FHIT: variants seen among roughly 807,000 people sequenced by gnomAD.
FHIT encodes bis(5'-adenosyl)-triphosphatase.
Under a neutral mutation model 17.9 loss-of-function variants are expected in FHIT, and 19 were observed. The observed-to-expected ratio is 1.06, with a 90% confidence interval of 0.74 to 1.56. The LOEUF (loss-of-function observed/expected upper bound fraction) is 1.56, where lower values mean the gene tolerates loss of function less well. Among genes scored for constraint, FHIT ranks in the 40% most tolerant of loss-of-function variants. FHIT has a pLI of 0.00. For synonymous variants in FHIT, 81 were observed against 69.7 expected, an observed-to-expected ratio of 1.16 and a Z score of -0.81; for missense variants, 248 against 189.2, an observed-to-expected ratio of 1.31 and a Z score of -1.82.
intron 8 of FHIT, among the ~76,000 whole-genome samples, chr3:59,755,345 C>T (rs1028359419): frequency 6.6e-6 from 1 of 152,170 alleles, no homozygotes; most frequent in Non-Finnish European, 1.5e-5. Flanking sequence ...GACTTGTGTC[C>T]TAGAAGATCC....
intron 5 of FHIT, among the ~76,000 whole-genome samples, chr3:60,508,769 T>C (rs934309254): frequency 6.6e-6 from 1 of 152,150 alleles, no homozygotes; most frequent in African/African-American, 2.4e-5. Flanking sequence ...CATCTTAAAG[T>C]TCAAAGATGT....
At chr3:60,149,751 A>G (rs1700379580) in intron 5 of FHIT, among the ~76,000 whole-genome samples, 1 of 151,988 alleles carries the variant, frequency 6.6e-6, no homozygotes, top group African/African-American at 2.4e-5. Context: ...AGGCCAAGCT[A>G]AGAGGCACAT....
intron 2 of FHIT, among the ~76,000 whole-genome samples, chr3:61,191,159 G>A (rs750114672): frequency 2.0e-5 from 3 of 152,062 alleles, no homozygotes; most frequent in Non-Finnish European, 4.4e-5. Flanking sequence ...AATTTTCTGT[G>A]TCAACTCAAC....
chr3:60,244,217 A>G (rs1294354948), intron 5 of FHIT, among the ~76,000 whole-genome samples: 1 of 152,100 alleles, frequency 6.6e-6, no homozygotes, highest in Non-Finnish European at 1.5e-5. Flanking sequence ...TTCAGTTATT[A>G]TACTTCATAT....
intron 5 of FHIT, among the ~76,000 whole-genome samples, chr3:60,491,855 G>T (rs2034081670): frequency 6.6e-6 from 1 of 152,034 alleles, no homozygotes; most frequent in African/African-American, 2.4e-5. Context: ...GAAACACAAT[G>T]AAATGTTCCA....
intron 4 of FHIT, among the ~76,000 whole-genome samples, chr3:60,630,110 C>G (rs2039400264): frequency 6.6e-6 from 1 of 152,160 alleles, no homozygotes; most frequent in Non-Finnish European, 1.5e-5. Context: ...TACCTGACTC[C>G]TATGTCCTAA....
intron 4 of FHIT, among the ~76,000 whole-genome samples, chr3:60,786,992 A>G (rs1182651991): frequency 7.6e-6 from 1 of 131,880 alleles, no homozygotes; most frequent in Non-Finnish European, 1.6e-5. Context: ...AAAGAGGGAA[A>G]TAAGACAAAA....
chr3:59,786,684 T>C (rs1699315688), intron 8 of FHIT, among the ~76,000 whole-genome samples: 1 of 152,226 alleles, frequency 6.6e-6, no homozygotes, highest in South Asian at 2.1e-4. Flanking sequence ...TTTCCCTCCT[T>C]TGCAATTTGC....
At position 60,953,352 on chromosome 3, in the gene FHIT, C is replaced by T. The variant is rs1575744307; in HGVS notation, c.-111+88695G>A. ...TGCTAAGAATGTCCAAGCCTTCCTCCTTCCAAGGCTCGAACTGGATTCCAA... is the reference window on the plus strand; with the variant it reads ...TGCTAAGAATGTCCAAGCCTTCCTCTTTCCAAGGCTCGAACTGGATTCCAA... On this transcript the variant is annotated intron_variant, in intron 3 of 9. Transcript: ENST00000492590. 5.3e-5 allele frequency among the ~76,000 whole-genome samples: 8 copies of T among 152,148 alleles called. No homozygotes were observed. In the South Asian group the frequency reaches 1.7e-3, roughly 32 times the overall value.
intron 5 of FHIT, among the ~76,000 whole-genome samples, chr3:60,173,918 T>TATATATATATATATATATATATA (rs375142735): frequency 1.1e-4 from 5 of 46,850 alleles, no homozygotes; most frequent in South Asian, 7.7e-4. Flanking sequence ...TATATATATG[T>TATATATATATATATATATATATA]TTTTTTTTTT....
intron 5 of FHIT, among the ~76,000 whole-genome samples, chr3:60,413,285 C>T (rs1327623402): frequency 1.3e-5 from 2 of 152,060 alleles, no homozygotes; most frequent in Non-Finnish European, 2.9e-5. Flanking sequence ...AGAAACTGTA[C>T]AACTGAGCCA....
intron 3 of FHIT, among the ~76,000 whole-genome samples, chr3:60,948,653 C>T (rs1296189333): frequency 1.3e-5 from 2 of 152,174 alleles, no homozygotes; most frequent in African/African-American, 4.8e-5. Context: ...GCAGCAGAAA[C>T]TGAATTATTA....
At chr3:60,513,671 C>A (rs543624353) in intron 5 of FHIT, among the ~76,000 whole-genome samples, 1 of 152,138 alleles carries the variant, frequency 6.6e-6, no homozygotes, top group African/African-American at 2.4e-5. Flanking sequence ...AATGAGAACA[C>A]ATGGACACAG....
At chr3:60,379,075 A>G (rs1700697081) in intron 5 of FHIT, among the ~76,000 whole-genome samples, 1 of 152,246 alleles carries the variant, frequency 6.6e-6, no homozygotes, top group Non-Finnish European at 1.5e-5. Context: ...ATTTTATCCC[A>G]GACCAGTGAA....
At chr3:59,948,535 A>AT (rs1706950156) in intron 7 of FHIT, among the ~76,000 whole-genome samples, 1 of 151,584 alleles carries the variant, frequency 6.6e-6, no homozygotes, top group African/African-American at 2.4e-5. Flanking sequence ...AAAAATAAAA[A>AT]AAAATAAATA....
chr3:60,145,257 T>C (rs866469294), intron 5 of FHIT, among the ~76,000 whole-genome samples: 21 of 152,314 alleles, frequency 1.4e-4, no homozygotes, highest in African/African-American at 4.8e-4. Flanking sequence ...GTCTAAATTT[T>C]AGGTAGTTTT....
intron 5 of FHIT, among the ~76,000 whole-genome samples, chr3:60,471,075 G>A (rs1333637952): frequency 6.6e-6 from 1 of 152,188 alleles, no homozygotes; most frequent in Non-Finnish European, 1.5e-5. Context: ...TACTATGGCT[G>A]AACTAGTATC....
At chr3:60,055,543 T>C (rs1344701486) in intron 5 of FHIT, among the ~76,000 whole-genome samples, 2 of 152,092 alleles carry the variant, frequency 1.3e-5, no homozygotes, top group Non-Finnish European at 2.9e-5. Flanking sequence ...TTAATTGCTT[T>C]AGCACTTGCA....
chr3:60,969,590 A>G (rs1709909008), intron 3 of FHIT, among the ~76,000 whole-genome samples: 1 of 152,080 alleles, frequency 6.6e-6, no homozygotes, highest in Non-Finnish European at 1.5e-5. Flanking sequence ...ACTTTCTTTG[A>G]AACATAGGGA....
Sources: gnomAD v4.1 joint callset for allele counts (sites outside exome capture counted in the v4.1 genomes callset) on GRCh38, gnomAD v4.1.1 for gene constraint, MANE v1.5 for transcripts, NCBI Gene and HGNC (gene_info 2026-07-23, HGNC 2026-07-21) for gene names.